OTUD6B: variants seen among roughly 807,000 people sequenced by gnomAD.
OTUD6B encodes the protein deubiquitinase OTUD6B.
In OTUD6B, 41 loss-of-function variants were observed where a neutral mutation model predicts 36.9. The observed-to-expected ratio is 1.11, with a 90% CI of 0.87 to 1.44. OTUD6B has a LOEUF of 1.44. Ranked by LOEUF, OTUD6B falls within the 40% of genes most tolerant of loss-of-function variation. OTUD6B has a pLI of 0.00. For missense variants in OTUD6B, 356 were observed against 344.8 expected (o/e 1.03, Z -0.26); for synonymous variants, 114 against 114.2 (o/e 1.00, Z 0.01).
chr8:91,080,028 A>G (rs929165949), intron 4 of OTUD6B, among the ~76,000 whole-genome samples: 9 of 152,114 alleles, frequency 5.9e-5, no homozygotes, highest in African/African-American at 2.2e-4. Flanking sequence ...ACTGTGTAAA[A>G]AGGTGTATGC....
At chr8:91,079,755 G>T (rs897631152) in intron 4 of OTUD6B, among the ~76,000 whole-genome samples, 9 of 152,020 alleles carry the variant, frequency 5.9e-5, no homozygotes, top group African/African-American at 2.2e-4. Context: ...CCCCAATTGC[G>T]CTAGTTGTAG....
At position 91,070,348 on chromosome 8, in the gene OTUD6B, G is replaced by T. The variant is rs201838277; in HGVS notation, c.-37G>T. Reference sequence around the variant, plus strand: ...GGAAGGTGCCTACTAGCCGGTGCAGGTTTCTTCTAGCGCGTGTGCTGGGGT... The same window carrying T: ...GGAAGGTGCCTACTAGCCGGTGCAGTTTTCTTCTAGCGCGTGTGCTGGGGT... On this transcript the variant is annotated 5_prime_UTR_variant, in exon 1 of 7. Transcript: ENST00000404789. 2.5e-6 allele frequency: 4 copies of T among 1,613,198 alleles called. No individual in the cohort carries two copies. The highest frequency in any genetic ancestry group is 1.1e-5 in the South Asian group (1 of 90,830).
At chr8:91,076,490 T>C in intron 3 of OTUD6B, 1 of 1,506,548 alleles carries the variant, frequency 6.6e-7, no homozygotes, top group Admixed American at 2.0e-5. Context: ...TTTAGAGGCT[T>C]AAACAGTTTT....
rs1458386782 is a variant in OTUD6B, at chr8:91,086,179, TA to T, written c.*1313del. 2.0e-5 allele frequency: 3 copies of T among 152,080 alleles called. No individual in the cohort carries two copies. Among genetic ancestry groups the T allele is most frequent in the Non-Finnish European group, 4.4e-5 (3 of 67,970 alleles). 9.4% of individuals were successfully genotyped at this position (152,080 alleles called of 1,614,324 possible). A position where few individuals can be genotyped will look rare whatever the true frequency, so the allele number is the denominator to read the frequency against. On this transcript the variant is annotated 3_prime_UTR_variant, in exon 7 of 7. Coordinates refer to ENST00000404789, the MANE Select transcript of OTUD6B (RefSeq NM_016023.5). The stretch of plus-strand genomic sequence containing the variant: ...TTTCCCAAACTAGAGATAAAACTAG[TA>T]AGATTTAGTATCGTTTATAACATTT...
At chr8:91,075,805 G>C (rs1812794292) in intron 3 of OTUD6B, among the ~76,000 whole-genome samples, 1 of 152,072 alleles carries the variant, frequency 6.6e-6, no homozygotes, top group Non-Finnish European at 1.5e-5. Flanking sequence ...TTTGCTAGAA[G>C]CACCAAGGAA....
chr8:91,079,188 T>A (rs75894784), intron 4 of OTUD6B: 3,373 of 152,188 alleles, frequency 0.022, 153 homozygotes, highest in East Asian at 0.22. Context: ...ATAAAATATT[T>A]ATGAGGAAGT....
intron 5 of OTUD6B, among the ~76,000 whole-genome samples, chr8:91,083,543 CA>C (rs1322010728): frequency 5.9e-5 from 9 of 152,166 alleles, no homozygotes; most frequent in Non-Finnish European, 8.8e-5. Context: ...GAAATGCTCC[CA>C]AATCAAATTT....
In OTUD6B at chr8:91,085,583, C is replaced by G. The variant is rs931021275; in HGVS notation, c.*715C>G. On this transcript the variant is annotated 3_prime_UTR_variant, in exon 7 of 7. Transcript: ENST00000404789. ...TATTTGTGTATAATTTAAAAAAGAC[C>G]TAATAGGTTACTGTCTTTTTAATGC... 6.6e-6 allele frequency: 1 copy of G among 151,838 alleles called. No individual in the cohort carries two copies. Among genetic ancestry groups the G allele is most frequent in the African/African-American group, 2.4e-5 (1 of 41,370 alleles). 9.4% of individuals were successfully genotyped at this position (151,838 alleles called of 1,614,324 possible).
At chr8:91,084,567 C>T (rs982803215) in intron 6 of OTUD6B, 2 of 180,128 alleles carry the variant, frequency 1.1e-5, no homozygotes, top group Non-Finnish European at 1.1e-5. Context: ...TCAGCCTTTT[C>T]GTTTTACCCC....
intron 4 of OTUD6B, chr8:91,078,992 G>T (rs561242408): frequency 4.4e-5 from 8 of 183,296 alleles, no homozygotes; most frequent in Middle Eastern, 2.5e-3. Context: ...GTAAGCTTCA[G>T]GAAGTATATA....
At chr8:91,077,468 T>A (rs1812823608) in intron 3 of OTUD6B, among the ~76,000 whole-genome samples, 1 of 151,978 alleles carries the variant, frequency 6.6e-6, no homozygotes, top group South Asian at 2.1e-4. Flanking sequence ...ATGAAACATA[T>A]AGTGCTTTCT....
chr8:91,075,239 T>C (rs1259851380), intron 3 of OTUD6B, among the ~76,000 whole-genome samples: 1 of 152,088 alleles, frequency 6.6e-6, no homozygotes, highest in Non-Finnish European at 1.5e-5. Context: ...TGTAGATTCA[T>C]AAAATTTAGA....
intron 6 of OTUD6B, 61 bp from the exon 7 acceptor site, chr8:91,084,721 CAT>C (rs776303208): frequency 1.1e-4 from 145 of 1,275,814 alleles, no homozygotes; most frequent in South Asian, 3.1e-4. Context: ...ATATAATAAG[CAT>C]ATATATATAG....
At position 91,070,456 on chromosome 8, in the gene OTUD6B, G is replaced by C. The variant is rs1812664828; in HGVS notation, c.72G>C (p.Lys24Asn). ...QLLRRHRKEK[K>N]ELQAKIQGMK... Reference sequence around the variant, plus strand: ...TGAGAAGGCATCGCAAAGAGAAGAAGGAGTTGCAAGGTGAGGCGGAAGGAA... The same window carrying C: ...TGAGAAGGCATCGCAAAGAGAAGAACGAGTTGCAAGGTGAGGCGGAAGGAA... Residue 24 changes from lysine (K) to asparagine (N), a missense_variant, in exon 1 of 7, where the codon AAG (lysine) becomes AAC (asparagine). Coordinates refer to ENST00000404789, the MANE Select transcript of OTUD6B (RefSeq NM_016023.5). 1 of 1,569,342 alleles carries C rather than the reference G, an allele frequency of 6.4e-7. No individual in the cohort carries two copies. The highest frequency in any genetic ancestry group is 1.4e-5 in the African/African-American group (1 of 73,812).
At chr8:91,074,531 C>A (rs1031834971) in intron 3 of OTUD6B, among the ~76,000 whole-genome samples, 2 of 151,998 alleles carry the variant, frequency 1.3e-5, no homozygotes, top group Non-Finnish European at 2.9e-5. Flanking sequence ...ATAGGAGGAG[C>A]AGCATGCACA....
intron 5 of OTUD6B, 55 bp downstream of exon 5, chr8:91,080,785 C>A: frequency 7.6e-7 from 1 of 1,312,330 alleles, no homozygotes; most frequent in Non-Finnish European, 1.1e-6. Flanking sequence ...TTCTAAATCC[C>A]TTCTGTAGTT....
At position 91,083,231 on chromosome 8, in the gene OTUD6B, A is replaced by G. The variant is rs144637630; in HGVS notation, c.691-777A>G. On this transcript the variant is annotated intron_variant, in intron 5 of 6. Coordinates refer to ENST00000404789, the MANE Select transcript of OTUD6B (RefSeq NM_016023.5). The stretch of plus-strand genomic sequence containing the variant: ...TTGTCAACAGTATTTGTAGATTAGA[A>G]TCATCTGAAAAACTTTAAAAAAATA... Among the ~76,000 whole-genome samples the G allele has an allele frequency of 4.3e-3, 658 of 152,246 alleles. 3 individuals carry two copies. Among genetic ancestry groups the G allele is most frequent in the Admixed American group, 7.3e-3 (112 of 15,286 alleles).
chr8:91,071,078 C>T (rs1385292401), intron 1 of OTUD6B, 60 bp from the exon 2 acceptor site: 3 of 1,589,672 alleles, frequency 1.9e-6, no homozygotes, highest in South Asian at 1.2e-5. Context: ...TTATTGGTTC[C>T]TGTTTCTCAT....
At chr8:91,074,086 A>T (rs541867319) in intron 3 of OTUD6B, among the ~76,000 whole-genome samples, 175 bp downstream of exon 3, 2 of 152,318 alleles carry the variant, frequency 1.3e-5, no homozygotes, top group East Asian at 3.9e-4. Flanking sequence ...TACTATGCTA[A>T]GCTGCTTATA....
Sources: gnomAD v4.1 joint callset for allele counts (sites outside exome capture counted in the v4.1 genomes callset) on GRCh38, gnomAD v4.1.1 for gene constraint, MANE v1.5 for transcripts, NCBI Gene and HGNC (gene_info 2026-07-23, HGNC 2026-07-21) for gene names.